RGL4: variants seen among roughly 807,000 people sequenced by gnomAD.
The protein encoded by RGL4 is ral-GDS-related protein.
In RGL4, 41 loss-of-function variants were observed where a neutral mutation model predicts 49.6. The ratio of observed to expected loss-of-function variants is 0.83; its 90% confidence interval spans 0.64 to 1.07. RGL4 has a LOEUF of 1.07. Ranked by LOEUF, RGL4 falls within the 50% of genes least tolerant of loss-of-function variation. The pLI is 0.00. For synonymous variants in RGL4, 255 were observed against 238.0 expected (o/e 1.07, Z -0.66); for missense variants, 610 against 591.9 (o/e 1.03, Z -0.32).
rs1247441315 is a variant in RGL4 at position 23,698,287 on chromosome 22, T to G, written c.1336T>G (p.Phe446Val). The G allele has an allele frequency of 6.8e-6, 11 of 1,611,662 alleles. No individual in the cohort carries two copies. The highest frequency in any genetic ancestry group is 8.5e-6 in the Non-Finnish European group (10 of 1,178,096). The change falls in exon 10 of 11, where the codon TTT (phenylalanine) becomes GTT (valine). Residue 446 changes from phenylalanine to valine, a missense_variant. Transcript: ENST00000290691. ...MNYRLRPLEK[F>V]VTYFTRMEQL... ...TTACAGGCTTCGGCCTCTTGAGAAA[T>G]TTGTCACCTATTTCACAAGAATGGA...
chr22:23,698,435 T>C, intron 10 of RGL4, 102 bp downstream of exon 10: 2 of 1,378,684 alleles, frequency 1.5e-6, no homozygotes, highest in Non-Finnish European at 2.0e-6. Flanking sequence ...AGTGTCACCA[T>C]CTCTGTTCAC....
At position 23,699,007 on chromosome 22, in the gene RGL4, T is replaced by C; in HGVS notation, c.*124T>C. The C allele has an allele frequency of 6.4e-7, 1 of 1,551,874 alleles. No individual in the cohort carries two copies. Reference sequence around the variant, plus strand: ...ACATCTAGGAGGCTGGCAGCTCAGCTGCATCTTGCCCTGGATCCTCATCAC... The same window carrying C: ...ACATCTAGGAGGCTGGCAGCTCAGCCGCATCTTGCCCTGGATCCTCATCAC... On this transcript the variant is annotated 3_prime_UTR_variant, in exon 11 of 11. Coordinates refer to ENST00000290691, the MANE Select transcript of RGL4 (RefSeq NM_153615.2).
chr22:23,694,920 T>C, intron 5 of RGL4, 30 bp from the exon 6 acceptor site: 1 of 1,583,888 alleles, frequency 6.3e-7, no homozygotes, highest in Non-Finnish European at 8.7e-7. Context: ...GATTCCCAAA[T>C]TTACCCTTCT....
chr22:23,696,742 C>G, intron 7 of RGL4, 54 bp downstream of exon 7: 2 of 1,507,280 alleles, frequency 1.3e-6, no homozygotes, highest in South Asian at 1.2e-5. Flanking sequence ...ACAGGGCTCC[C>G]TTCCCCGCCA....
At chr22:23,696,736 G>C in intron 7 of RGL4, 48 bp downstream of exon 7, 1 of 1,540,776 alleles carries the variant, frequency 6.5e-7, no homozygotes, top group East Asian at 2.3e-5. Flanking sequence ...CAGAGGACAG[G>C]GCTCCCTTCC....
intron 6 of RGL4, 84 bp downstream of exon 6, chr22:23,695,103 C>T (rs555817496): frequency 1.2e-5 from 13 of 1,053,188 alleles, no homozygotes; most frequent in Admixed American, 7.4e-5. Flanking sequence ...GACCAGGTGT[C>T]GAGTGGTTAT....
chr22:23,692,652 CT>C lies in RGL4; in HGVS notation c.374-13del. ...AGTGAAAAATGACTGGTGTGGTGAC[CT>C]TTTCTCCTTTTCCAGATCCTGCTCC... On this transcript the variant is annotated splice_polypyrimidine_tract_variant and intron_variant, in intron 2 of 10. Coordinates refer to ENST00000290691, the MANE Select transcript of RGL4 (RefSeq NM_153615.2). 6.3e-7 allele frequency: 1 copy of C among 1,580,992 alleles called. No homozygotes were observed. Among genetic ancestry groups the C allele is most frequent in the Non-Finnish European group, 8.6e-7 (1 of 1,160,690 alleles).
At position 23,692,745 on chromosome 22, in the gene RGL4, G is replaced by C; in HGVS notation, c.450G>C (p.Leu150=). The part of the protein sequence containing the change: ...LEPAPPLLAD[L]GPALEPESPA... ...CAGCACCACCACTGCTGGCGGACCT[G>C]GGGCCTGCTCTGGAGCCAGAGTCAC... The change falls in exon 3 of 11, where the codon CTG becomes CTC. Residue 150 remains leucine, a synonymous_variant. Transcript: ENST00000290691. 6.2e-7 allele frequency: 1 copy of C among 1,613,332 alleles called. No homozygotes were observed. Among genetic ancestry groups the C allele is most frequent in the South Asian group, 1.1e-5 (1 of 91,078 alleles).
intron 6 of RGL4, chr22:23,695,554 T>C: frequency 2.3e-6 from 1 of 432,544 alleles, no homozygotes; most frequent in Middle Eastern, 7.4e-4. Context: ...AGGAAGCTCA[T>C]GTGGCAGGGA....
At chr22:23,695,042 C>A (rs767379189) in intron 6 of RGL4, 23 bp downstream of exon 6, 2 of 1,554,972 alleles carry the variant, frequency 1.3e-6, no homozygotes, top group Non-Finnish European at 1.8e-6. Context: ...CTGGGAGATG[C>A]AGGACAAGTG....
At chr22:23,698,415 G>A in intron 10 of RGL4, 82 bp downstream of exon 10, 1 of 1,487,526 alleles carries the variant, frequency 6.7e-7, no homozygotes, top group Middle Eastern at 1.8e-4. Context: ...TGTCGCCCAG[G>A]CTGCACTGCA....
intron 6 of RGL4, chr22:23,695,447 G>GCTA (rs1923428291): frequency 1.7e-6 from 1 of 582,724 alleles, no homozygotes; most frequent in Admixed American, 2.4e-5. Context: ...CTCTGCTGCT[G>GCTA]CTGCTGCTGC....
intron 9 of RGL4, 124 bp downstream of exon 9, chr22:23,697,985 A>T (rs1270932739): frequency 7.8e-7 from 1 of 1,285,068 alleles, no homozygotes; most frequent in African/African-American, 1.5e-5. Context: ...TTTGACACAC[A>T]CAGGAGGAGG....
rs878933465 is a variant in RGL4 at position 23,692,770 on chromosome 22, C to A, written c.475C>A (p.Pro159Thr). Residue 159 changes from proline (P) to threonine (T), a missense_variant, in exon 3 of 11, where the codon CCT (proline) becomes ACT (threonine). Transcript: ENST00000290691. ...GGGGCCTGCTCTGGAGCCAGAGTCA[C>A]CTGCAGCCCTGGGTCCACCAGGATA... ...DLGPALEPESPAALGPPGYLH... is the reference protein window; with the variant it reads ...DLGPALEPESTAALGPPGYLH... 6.2e-7 allele frequency: 1 copy of A among 1,613,538 alleles called. No homozygotes were observed. The highest frequency in any genetic ancestry group is 8.5e-7 in the Non-Finnish European group (1 of 1,180,030).
intron 8 of RGL4, 108 bp from the exon 9 acceptor site, chr22:23,697,730 C>A: frequency 1.6e-6 from 2 of 1,244,336 alleles, no homozygotes; most frequent in Non-Finnish European, 2.3e-6. Context: ...CTGTCGTGTG[C>A]ACATCCCCTG....
At chr22:23,695,616 T>C (rs952129438) in intron 6 of RGL4, 3 of 347,478 alleles carry the variant, frequency 8.6e-6, no homozygotes, top group Admixed American at 3.7e-5. Flanking sequence ...GGGACAGACG[T>C]AGCTGTTTGC....
In RGL4 at chr22:23,693,771, A is replaced by G. The variant is rs1047546859; in HGVS notation, c.709A>G (p.Lys237Glu). ...TCCTCCCCCAAAGGAGCTGTTCAAG[A>G]AGGTGGTGCTCCACGAATGCTTGGG... ...LTLMDAELFK[K>E]VVLHECLGCI... The change falls in exon 4 of 11, where the codon AAG becomes GAG. Residue 237 changes from lysine to glutamate, a missense_variant. Transcript: ENST00000290691. 6.2e-7 allele frequency: 1 copy of G among 1,613,990 alleles called. No homozygotes were observed.
At chr22:23,697,968 G>A in intron 9 of RGL4, 107 bp downstream of exon 9, 1 of 1,385,918 alleles carries the variant, frequency 7.2e-7, no homozygotes, top group Non-Finnish European at 1.0e-6. Context: ...TAGGCTTACT[G>A]GGAGTGTTTG....
intron 10 of RGL4, 137 bp from the exon 11 acceptor site, chr22:23,698,707 G>A: frequency 8.7e-7 from 1 of 1,155,656 alleles, no homozygotes; most frequent in Non-Finnish European, 1.2e-6. Flanking sequence ...GAGAGCCTAT[G>A]GCCATGCCTC....
Sources: gnomAD v4.1 joint callset for allele counts on GRCh38, gnomAD v4.1.1 for gene constraint, MANE v1.5 for transcripts, NCBI Gene and HGNC (gene_info 2026-07-23, HGNC 2026-07-21) for gene names.